Variants in ZMPSTE24 observed in about 807,000 individuals in gnomAD.
ZMPSTE24 encodes the protein zinc metallopeptidase STE24, also known as CAAX prenyl protease 1 homolog.
ZMPSTE24 carries 48 observed loss-of-function variants against 56.7 expected under a neutral mutation model. That is an observed-to-expected ratio of 0.85 (90% CI 0.67 to 1.08). The LOEUF is 1.08. Among genes scored for constraint, ZMPSTE24 ranks in the 50% least tolerant of loss-of-function variants. ZMPSTE24 has a pLI of 0.00. For missense variants in ZMPSTE24, 503 were observed against 548.7 expected (o/e 0.92, Z 0.83); for synonymous variants, 172 against 195.2 (o/e 0.88, Z 0.99).
At position 40,292,848 on chromosome 1, in the gene ZMPSTE24, C is replaced by G. The variant is rs375312605; in HGVS notation, c.*179C>G. 1 of 548,062 alleles carries G rather than the reference C, an allele frequency of 1.8e-6. No homozygotes were observed. The highest frequency in any genetic ancestry group is 2.3e-5 in the South Asian group (1 of 43,262). 33.9% of individuals were successfully genotyped at this position (548,062 alleles called of 1,614,324 possible). A position where few individuals can be genotyped will look rare whatever the true frequency, so the allele number is the denominator to read the frequency against. ...TTTTAATAATTCATTTCTTAAAACA[C>G]TGAATGAATTTTGAAGCTTAATGTT... is the stretch of plus-strand genomic sequence containing the variant. On this transcript the variant is annotated 3_prime_UTR_variant, in exon 10 of 10. Transcript: ENST00000372759.
intron 8 of ZMPSTE24, among the ~76,000 whole-genome samples, chr1:40,286,327 T>C (rs1643786535): frequency 2.0e-5 from 3 of 152,280 alleles, no homozygotes; most frequent in Middle Eastern, 3.4e-3. Context: ...AAATTATTGT[T>C]ATCACCACCA....
intron 5 of ZMPSTE24, among the ~76,000 whole-genome samples, chr1:40,270,906 C>T (rs1643608306): frequency 6.6e-6 from 1 of 152,132 alleles, no homozygotes; most frequent in Non-Finnish European, 1.5e-5. Context: ...ATTGCTTAAG[C>T]CCAAGAGTTT....
intron 6 of ZMPSTE24, among the ~76,000 whole-genome samples, chr1:40,276,103 C>CTCTT (rs1643668637): frequency 6.6e-6 from 1 of 152,156 alleles, no homozygotes; most frequent in Admixed American, 6.5e-5. Context: ...GAGAAGCAGC[C>CTCTT]TCTTACATAG....
chr1:40,279,101 A>G (rs564275685), intron 6 of ZMPSTE24, among the ~76,000 whole-genome samples: 4 of 152,366 alleles, frequency 2.6e-5, no homozygotes, highest in Non-Finnish European at 5.9e-5. Context: ...TGATTATGCC[A>G]TTGCATTGCA....
intron 5 of ZMPSTE24, among the ~76,000 whole-genome samples, chr1:40,271,584 A>C (rs181476562): frequency 1.3e-3 from 202 of 152,318 alleles, no homozygotes; most frequent in South Asian, 3.3e-3. Flanking sequence ...AGAAATCCCC[A>C]AGATAGTTTT....
At chr1:40,274,640 G>C (rs1643650685) in intron 6 of ZMPSTE24, among the ~76,000 whole-genome samples, 1 of 152,190 alleles carries the variant, frequency 6.6e-6, no homozygotes, top group African/African-American at 2.4e-5. Context: ...TGTAAGTCAG[G>C]GTAAGGAGTT....
chr1:40,281,260 C>T, intron 6 of ZMPSTE24, 83 bp from the exon 7 acceptor site: 1 of 1,288,750 alleles, frequency 7.8e-7, no homozygotes. Flanking sequence ...ATGTCCTTTC[C>T]AGTAATTCAA....
intron 5 of ZMPSTE24, among the ~76,000 whole-genome samples, chr1:40,271,399 C>G (rs533344915): frequency 7.9e-5 from 12 of 152,284 alleles, no homozygotes; most frequent in African/African-American, 2.4e-4. Context: ...TAAGGAAGTG[C>G]TATTTCAACC....
At chr1:40,290,112 T>A (rs1643825781) in intron 8 of ZMPSTE24, among the ~76,000 whole-genome samples, 1 of 152,102 alleles carries the variant, frequency 6.6e-6, no homozygotes, top group African/African-American at 2.4e-5. Context: ...GGCGGGGCAG[T>A]ATGGTTCATG....
chr1:40,263,550 G>A (rs1262841163), intron 2 of ZMPSTE24, among the ~76,000 whole-genome samples: 3 of 152,152 alleles, frequency 2.0e-5, no homozygotes, highest in Non-Finnish European at 4.4e-5. Flanking sequence ...ACATGAATGT[G>A]CTAAATTTAT....
At chr1:40,291,135 C>G (rs1025448996) in intron 9 of ZMPSTE24, 138 bp downstream of exon 9, 67 of 1,158,742 alleles carry the variant, frequency 5.8e-5, no homozygotes, top group African/African-American at 7.8e-5. Context: ...TCCCCTGATT[C>G]ACTGGTCAGT....
rs750213108 is a variant in ZMPSTE24 at position 40,258,266 on chromosome 1, G to C, written c.-6G>C. On this transcript the variant is annotated 5_prime_UTR_variant, in exon 1 of 10. Coordinates refer to ENST00000372759, the MANE Select transcript of ZMPSTE24 (RefSeq NM_005857.5). Reference sequence around the variant, plus strand: ...ACGCTGAAGGAGCCGGCGGAACCGGGTGGCCATGGGGATGTGGGCATCGCT... The same window carrying C: ...ACGCTGAAGGAGCCGGCGGAACCGGCTGGCCATGGGGATGTGGGCATCGCT... 1.2e-6 allele frequency: 2 copies of C among 1,613,582 alleles called. No homozygotes were observed. Among genetic ancestry groups the C allele is most frequent in the African/African-American group, 2.7e-5 (2 of 75,064 alleles).
chr1:40,266,977 A>G (rs1339958593), intron 2 of ZMPSTE24, among the ~76,000 whole-genome samples: 1 of 150,772 alleles, frequency 6.6e-6, no homozygotes, highest in African/African-American at 2.4e-5. Context: ...CATGTTGTCC[A>G]GGCTGGTCTC....
chr1:40,275,920 G>A (rs74068387), intron 6 of ZMPSTE24, among the ~76,000 whole-genome samples: 1 of 152,098 alleles, frequency 6.6e-6, no homozygotes, highest in Non-Finnish European at 1.5e-5. Context: ...TCAGAACACC[G>A]GATTCAGCCA....
rs1643617420 is a variant in ZMPSTE24 at position 40,271,916 on chromosome 1, A to G, written c.650A>G (p.Asp217Gly). ...CAGGTTCTTGTCACAATCTATGCTG[A>G]TTATATTGCCCCTTTATTTGACAAA... ...VSLVLVTIYADYIAPLFDKFT... is the reference protein window; with the variant it reads ...VSLVLVTIYAGYIAPLFDKFT... The change falls in exon 6 of 10, where the codon GAT (aspartate) becomes GGT (glycine). Residue 217 changes from aspartate to glycine, a missense_variant. Transcript: ENST00000372759. 1 of 1,613,676 alleles carries G rather than the reference A, an allele frequency of 6.2e-7. No individual in the cohort carries two copies. The highest frequency in any genetic ancestry group is 8.5e-7 in the Non-Finnish European group (1 of 1,179,746).
chr1:40,289,848 TG>T (rs1365287234), intron 8 of ZMPSTE24, among the ~76,000 whole-genome samples: 1 of 152,188 alleles, frequency 6.6e-6, no homozygotes, highest in East Asian at 1.9e-4. Flanking sequence ...AAGGGAAGCC[TG>T]TTTCTTTGGA....
At chr1:40,262,062 A>G (rs906294163) in intron 2 of ZMPSTE24, among the ~76,000 whole-genome samples, 1 of 152,172 alleles carries the variant, frequency 6.6e-6, no homozygotes, top group Non-Finnish European at 1.5e-5. Flanking sequence ...TAGAACTTTT[A>G]GATCTACTAG....
chr1:40,279,500 C>A (rs923234794), intron 6 of ZMPSTE24, among the ~76,000 whole-genome samples: 1 of 152,148 alleles, frequency 6.6e-6, no homozygotes, highest in South Asian at 2.1e-4. Context: ...CTCTGTGCTT[C>A]GGGATTTGGC....
chr1:40,285,251 C>T (rs1243334865), intron 7 of ZMPSTE24, among the ~76,000 whole-genome samples: 7 of 152,000 alleles, frequency 4.6e-5, no homozygotes, highest in Non-Finnish European at 1.0e-4. Flanking sequence ...CAATTACAGG[C>T]GCATACCACG....
Sources: gnomAD v4.1 joint callset for allele counts (sites outside exome capture counted in the v4.1 genomes callset) on GRCh38, gnomAD v4.1.1 for gene constraint, MANE v1.5 for transcripts, NCBI Gene and HGNC (gene_info 2026-07-23, HGNC 2026-07-21) for gene names.